The following GREB1 variants were observed in gnomAD, a reference collection of about 807,000 sequenced individuals.
GREB1 encodes protein GREB1.
A neutral mutation model predicts 200.7 loss-of-function variants in GREB1; 106 were observed. The observed-to-expected ratio is 0.53, with a 90% CI of 0.45 to 0.62. The LOEUF (loss-of-function observed/expected upper bound fraction) is 0.62, where lower values mean the gene tolerates loss of function less well. GREB1 is among the 20% of genes least tolerant of loss of function. GREB1 has a pLI of 0.00. For missense variants in GREB1, 2,243 were observed against 2,556.8 expected, an observed-to-expected ratio of 0.88 and a Z score of 2.65; for synonymous variants, 1,132 against 1,092.4, an observed-to-expected ratio of 1.04 and a Z score of -0.72.
intron 30 of GREB1, among the ~76,000 whole-genome samples, 197 bp from the exon 31 acceptor site, chr2:11,637,519 C>T (rs1167574822): frequency 3.3e-5 from 5 of 152,182 alleles, no homozygotes; most frequent in East Asian, 3.8e-4. Context: ...TTCGTTTTGA[C>T]GTGTCTGTTT....
intron 1 of GREB1, among the ~76,000 whole-genome samples, chr2:11,545,746 T>C (rs1351953626): frequency 2.0e-5 from 3 of 152,196 alleles, no homozygotes; most frequent in African/African-American, 7.2e-5. Flanking sequence ...AGAACCACGT[T>C]ACCTAAGTTT....
At chr2:11,606,904 T>C (rs547280739) in intron 17 of GREB1, among the ~76,000 whole-genome samples, 4 of 151,850 alleles carry the variant, frequency 2.6e-5, no homozygotes, top group African/African-American at 7.3e-5. Flanking sequence ...TGCCTCAGCC[T>C]CCTGAGTAGC....
intron 1 of GREB1, among the ~76,000 whole-genome samples, chr2:11,486,543 A>G (rs1385851737): frequency 6.6e-6 from 1 of 152,096 alleles, no homozygotes; most frequent in East Asian, 1.9e-4. Context: ...TTAAGAAAAT[A>G]CAGAAGAGTT....
intron 18 of GREB1, among the ~76,000 whole-genome samples, chr2:11,612,053 A>G (rs1558632985): frequency 1.3e-5 from 2 of 151,958 alleles, no homozygotes. Context: ...AATTAGCCAG[A>G]TGGGGTGGCG....
intron 1 of GREB1, among the ~76,000 whole-genome samples, chr2:11,524,327 C>T (rs944847951): frequency 6.6e-6 from 1 of 152,128 alleles, no homozygotes; most frequent in Non-Finnish European, 1.5e-5. Context: ...GGTTGCAATG[C>T]AGTTGCTAAT....
At chr2:11,545,333 T>A (rs1241750742) in intron 1 of GREB1, among the ~76,000 whole-genome samples, 2 of 152,098 alleles carry the variant, frequency 1.3e-5, no homozygotes, top group Non-Finnish European at 2.9e-5. Context: ...GGTTGCATCA[T>A]GTTGGCCAGG....
At position 11,618,692 on chromosome 2, in the gene GREB1, G is replaced by A; in HGVS notation, c.3817G>A (p.Asp1273Asn). 2 of 1,613,758 alleles carry A rather than the reference G, an allele frequency of 1.2e-6. No homozygotes were observed. Residue 1273 changes from aspartate to asparagine, a missense_variant, in exon 22 of 33, where the codon GAC becomes AAC. Coordinates refer to ENST00000381486, the MANE Select transcript of GREB1 (RefSeq NM_014668.4). ...CGTGTACGACATGGTTGTGTCCACTGACAGCAGTGGCCTGCCCAAGGCCGC... is the reference window on the plus strand; with the variant it reads ...CGTGTACGACATGGTTGTGTCCACTAACAGCAGTGGCCTGCCCAAGGCCGC... ...KLVYDMVVST[D>N]SSGLPKAASL... is the part of the protein sequence containing the mutation.
intron 1 of GREB1, among the ~76,000 whole-genome samples, chr2:11,522,417 G>A (rs942102514): frequency 6.6e-6 from 1 of 152,128 alleles, no homozygotes; most frequent in African/African-American, 2.4e-5. Context: ...TTAAGCCTCT[G>A]TATTTGAAAG....
chr2:11,538,248 G>T (rs1325526458), intron 1 of GREB1, among the ~76,000 whole-genome samples: 1 of 152,146 alleles, frequency 6.6e-6, no homozygotes, highest in Non-Finnish European at 1.5e-5. Flanking sequence ...GCCTGGGAAC[G>T]AAGAAGCCCA....
chr2:11,619,038 T>C (rs1683777649), intron 22 of GREB1, 119 bp downstream of exon 22: 1 of 1,009,678 alleles, frequency 9.9e-7, no homozygotes, highest in African/African-American at 1.6e-5. Flanking sequence ...CTTCCCGTGG[T>C]GGAATCTTCT....
At chr2:11,510,142 C>A (rs1673308585) in intron 1 of GREB1, among the ~76,000 whole-genome samples, 3 of 152,174 alleles carry the variant, frequency 2.0e-5, no homozygotes, top group Admixed American at 2.0e-4. Context: ...CTGATTGCAT[C>A]ACTGGGCTGT....
chr2:11,485,941 T>G (rs1171172802), intron 1 of GREB1, among the ~76,000 whole-genome samples: 1 of 152,160 alleles, frequency 6.6e-6, no homozygotes, highest in East Asian at 1.9e-4. Flanking sequence ...GCCCCCTGCA[T>G]GCTACCCATG....
In GREB1 at chr2:11,578,307, C is replaced by G. The variant is rs771408473; in HGVS notation, c.648C>G (p.Ser216Arg). 1 of 1,612,690 alleles carries G rather than the reference C, an allele frequency of 6.2e-7. No individual in the cohort carries two copies. The highest frequency in any genetic ancestry group is 1.1e-5 in the South Asian group (1 of 91,028). The part of the protein sequence containing the change: ...LICWKGSEFR[S>R]RQIPASTCSS... ...ACCTTGCCCCCTTAGAGTTTAGAAGCCGGCAGATCCCCGCCAGTACTTGTT... is the reference window on the plus strand; with the variant it reads ...ACCTTGCCCCCTTAGAGTTTAGAAGGCGGCAGATCCCCGCCAGTACTTGTT... The change falls in exon 6 of 33, where the codon AGC becomes AGG. Residue 216 changes from serine to arginine, a missense_variant. By Grantham distance (110) the Ser-to-Arg change is moderately radical. Transcript: ENST00000381486.
intron 1 of GREB1, among the ~76,000 whole-genome samples, chr2:11,526,015 A>G (rs890578851): frequency 6.6e-6 from 1 of 152,194 alleles, no homozygotes; most frequent in Middle Eastern, 3.2e-3. Context: ...TCAGCTTGGC[A>G]TAGAAGCATC....
chr2:11,614,765 G>A (rs529380918), intron 19 of GREB1, among the ~76,000 whole-genome samples: 6 of 152,194 alleles, frequency 3.9e-5, no homozygotes, highest in East Asian at 3.9e-4. Context: ...GGGTTTCACC[G>A]TGTTAGCCAG....
chr2:11,569,146 G>A (rs1407455617), intron 4 of GREB1, among the ~76,000 whole-genome samples: 2 of 152,100 alleles, frequency 1.3e-5, no homozygotes, highest in Non-Finnish European at 1.5e-5. Context: ...TTTATTGCCC[G>A]GTAATTTATC....
At chr2:11,501,900 TTTTTG>T (rs1189584957) in intron 1 of GREB1, among the ~76,000 whole-genome samples, 318 of 29,356 alleles carry the variant, frequency 0.011, 111 homozygotes, top group East Asian at 0.027. Context: ...TTCCTGTTTT[TTTTTG>T]TTTTTTTTTT....
intron 4 of GREB1, among the ~76,000 whole-genome samples, chr2:11,570,698 G>A (rs1401508581): frequency 6.6e-6 from 1 of 151,996 alleles, no homozygotes; most frequent in Admixed American, 6.6e-5. Context: ...GTTAAATTTA[G>A]ATGACTGTTT....
chr2:11,619,215 A>G (rs1329146246), intron 22 of GREB1, among the ~76,000 whole-genome samples: 1 of 152,194 alleles, frequency 6.6e-6, no homozygotes, highest in Non-Finnish European at 1.5e-5. Context: ...GCCACTGCCC[A>G]TGTTCTCTGA....
Sources: allele counts gnomAD v4.1 joint callset (sites outside exome capture counted in the v4.1 genomes callset), GRCh38; gene constraint gnomAD v4.1.1; transcripts MANE v1.5; gene names NCBI Gene and HGNC (gene_info 2026-07-23, HGNC 2026-07-21).